The following DCAF8L2 variants were observed in gnomAD, a reference collection of about 807,000 sequenced individuals.
DCAF8L2 encodes the protein DDB1- and CUL4-associated factor 8-like protein 2.
For synonymous variants in DCAF8L2, 200 were observed against 190.9 expected (o/e 1.05, Z -0.39); for missense variants, 430 against 490.7 (o/e 0.88, Z 1.17).
the DCAF8L2 span, among the ~76,000 whole-genome samples, chrX:27,488,345 G>T: frequency 2.7e-5 from 3 of 111,444 alleles, no homozygotes; most frequent in Admixed American, 9.6e-5. Context: ...TGAGTTATCT[G>T]TGCTCTTCCT....
the DCAF8L2 span, among the ~76,000 whole-genome samples, chrX:27,536,774 C>T: frequency 1.5e-4 from 17 of 111,881 alleles, no homozygotes; most frequent in Non-Finnish European, 2.6e-4. Flanking sequence ...AAGGCATGAA[C>T]GTCCCATGGC....
Position 27,747,878 on chromosome X carries a change from C to T in DCAF8L2, c.983C>T (p.Pro328Leu). 8.3e-7 allele frequency: 1 copy of T among 1,210,435 alleles called. No individual in the cohort carries two copies. Among genetic ancestry groups the T allele is most frequent in the Non-Finnish European group, 1.1e-6 (1 of 894,614 alleles). Reference protein sequence around the residue: ...RGPAHKLALEPDSPYKFLTSG... With the variant: ...RGPAHKLALELDSPYKFLTSG... ...CCTGCCCACAAGTTGGCTCTGGAGCCTGACTCTCCTTATAAGTTCCTCACT... is the reference window on the plus strand; with the variant it reads ...CCTGCCCACAAGTTGGCTCTGGAGCTTGACTCTCCTTATAAGTTCCTCACT... The change falls in exon 5 of 5, where the codon CCT (proline) becomes CTT (leucine). Residue 328 changes from proline (P) to leucine (L), a missense_variant. By Grantham distance (98) the Pro-to-Leu change is moderately conservative. Coordinates refer to ENST00000451261, the MANE Select transcript of DCAF8L2 (RefSeq NM_001353450.2).
chrX:27,470,679 A>G, the DCAF8L2 span, among the ~76,000 whole-genome samples: 1 of 112,153 alleles, frequency 8.9e-6, no homozygotes, highest in African/African-American at 3.2e-5. Flanking sequence ...TTAGCCACTC[A>G]GGATTCCTCT....
In DCAF8L2 at chrX:27,723,248, A is replaced by G. The variant is rs977023648; in HGVS notation, c.-59+7077A>G. Among the ~76,000 whole-genome samples the G allele has an allele frequency of 7.7e-4, 85 of 110,083 alleles. 3 individuals carry two copies. The highest frequency in any genetic ancestry group is 2.5e-3 in the African/African-American group (77 of 30,572). Reference sequence around the variant, plus strand: ...AAGGCCTAAATGAAAAGAGTAATAAATGTTTCTAAATTATTTTTTAAATCA... The same window carrying G: ...AAGGCCTAAATGAAAAGAGTAATAAGTGTTTCTAAATTATTTTTTAAATCA... On this transcript the variant is annotated intron_variant, in intron 4 of 4. Coordinates refer to ENST00000451261, the MANE Select transcript of DCAF8L2 (RefSeq NM_001353450.2).
chrX:27,469,921 A>C, the DCAF8L2 span, among the ~76,000 whole-genome samples: 1 of 109,950 alleles, frequency 9.1e-6, no homozygotes, highest in Non-Finnish European at 1.9e-5. Flanking sequence ...GGCATGCGCC[A>C]CCCTGCCTGG....
At chrX:27,639,446 T>A (rs1181489215) in intron 2 of DCAF8L2, among the ~76,000 whole-genome samples, 1 of 111,841 alleles carries the variant, frequency 8.9e-6, no homozygotes, top group Non-Finnish European at 1.9e-5. Flanking sequence ...AATTGGATTG[T>A]TTGTAACTCA....
chrX:27,533,802 C>T, the DCAF8L2 span, among the ~76,000 whole-genome samples: 1 of 112,329 alleles, frequency 8.9e-6, no homozygotes, highest in Non-Finnish European at 1.9e-5. Context: ...CAATTAAGTT[C>T]AAATTGTAAT....
rs187820413 is a variant in DCAF8L2 at position 27,710,244 on chromosome X, A to T, written c.-142-5844A>T. Among the ~76,000 whole-genome samples the T allele has an allele frequency of 3.6e-3, 407 of 111,632 alleles. 1 individual carries two copies. The highest frequency in any genetic ancestry group is 0.013 in the African/African-American group (393 of 30,790). ...GTCCTTTGACTTTGTTCCTCAGTTT[A>T]AAAGTGCTTTGGGCAGGCATTCTTG... On this transcript the variant is annotated intron_variant, in intron 3 of 4. Coordinates refer to ENST00000451261, the MANE Select transcript of DCAF8L2 (RefSeq NM_001353450.2).
chrX:27,682,344 G>T (rs935172578), intron 3 of DCAF8L2, among the ~76,000 whole-genome samples: 5 of 111,662 alleles, frequency 4.5e-5, no homozygotes, highest in African/African-American at 1.6e-4. Flanking sequence ...TTTAGTAAAT[G>T]AATTTTAAGA....
chrX:27,708,917 C>G (rs926526906), intron 3 of DCAF8L2, among the ~76,000 whole-genome samples: 1 of 112,396 alleles, frequency 8.9e-6, no homozygotes, highest in African/African-American at 3.2e-5. Flanking sequence ...GTTCCACCTG[C>G]TTTTCTTTTT....
rs1305384924 is a variant in DCAF8L2, at chrX:27,632,937, C to T, written c.-220+937C>T. The T allele has an allele frequency of 3.6e-5, 4 of 111,918 alleles. No homozygotes were observed. The South Asian group carries it at 1.5e-3, about 41-fold the overall frequency. 9.2% of individuals were successfully genotyped at this position (111,918 alleles called of 1,213,427 possible). On this transcript the variant is annotated intron_variant, in intron 2 of 4. Transcript: ENST00000451261. ...TTGCCTAGTTTTTTCACTGATATAT[C>T]CCAAACACCTTGAAGGTGTCCTAAC...
chrX:27,652,724 G>C (rs1274128530), intron 2 of DCAF8L2, among the ~76,000 whole-genome samples: 3 of 112,015 alleles, frequency 2.7e-5, no homozygotes, highest in African/African-American at 9.7e-5. Context: ...TAAAACCTCT[G>C]GATATGACCA....
chrX:27,690,634 C>T (rs1329319336), intron 3 of DCAF8L2, among the ~76,000 whole-genome samples: 1 of 110,713 alleles, frequency 9.0e-6, no homozygotes, highest in Non-Finnish European at 1.9e-5. Context: ...CAGCCTTTTA[C>T]TATAAGCACA....
intron 3 of DCAF8L2, among the ~76,000 whole-genome samples, chrX:27,687,109 T>C (rs989589560): frequency 1.8e-5 from 2 of 111,805 alleles, no homozygotes; most frequent in Non-Finnish European, 3.8e-5. Flanking sequence ...TTGTAGGTGA[T>C]GGACACCCCC....
chrX:27,500,927 A>G, the DCAF8L2 span, among the ~76,000 whole-genome samples: 3 of 111,518 alleles, frequency 2.7e-5, no homozygotes, highest in East Asian at 8.5e-4. Flanking sequence ...TACTTTTGAT[A>G]TGAAATGGGA....
intron 2 of DCAF8L2, among the ~76,000 whole-genome samples, chrX:27,666,318 A>G (rs1345823515): frequency 5.4e-5 from 6 of 111,961 alleles, no homozygotes; most frequent in African/African-American, 1.9e-4. Context: ...GAAAATTGGG[A>G]GGTTTATTTC....
In DCAF8L2 at chrX:27,606,358, AATATAT is replaced by A. The variant is rs200718182; in HGVS notation, c.-342+15937_-342+15942del. The stretch of plus-strand genomic sequence containing the variant: ...TATAGGAATTATATATATATCTAGG[AATATAT>A]ATATATATATATATATATTCTTTTG... On this transcript the variant is annotated intron_variant, in intron 1 of 4. Transcript: ENST00000451261. 6.3e-4 allele frequency among the ~76,000 whole-genome samples: 25 copies of A among 39,756 alleles called. 1 individual carries two copies. The East Asian group carries it at 9.5e-3, about 15-fold the overall frequency. The allele number at this position is 39,756 out of a possible 115,157, so 34.5% of individuals were successfully genotyped here.
intron 4 of DCAF8L2, among the ~76,000 whole-genome samples, chrX:27,722,027 T>C (rs1046107252): frequency 2.7e-5 from 3 of 111,721 alleles, no homozygotes; most frequent in African/African-American, 9.7e-5. Context: ...AAAATTATTT[T>C]CATCAAGTAT....
intron 3 of DCAF8L2, among the ~76,000 whole-genome samples, chrX:27,691,971 A>G: frequency 8.9e-6 from 1 of 112,001 alleles, no homozygotes. Context: ...CATTTTGAAG[A>G]GGTTGATCAT....
Sources: allele counts gnomAD v4.1 joint callset (sites outside exome capture counted in the v4.1 genomes callset), GRCh38; gene constraint gnomAD v4.1.1; transcripts MANE v1.5; gene names NCBI Gene and HGNC (gene_info 2026-07-23, HGNC 2026-07-21).